Variants in MAP4K4 observed in about 807,000 individuals in gnomAD.
MAP4K4 encodes the protein HPK/GCK-like kinase HGK.
MAP4K4 carries 38 observed loss-of-function variants against 189.6 expected under a neutral mutation model. That is an observed-to-expected ratio of 0.20 (90% CI 0.15 to 0.26). The LOEUF is 0.26. MAP4K4 is among the 10% of genes least tolerant of loss of function. The pLI is 1.00. For missense variants in MAP4K4, 1,054 were observed against 1,726.9 expected (o/e 0.61, Z 6.91); for synonymous variants, 610 against 624.3 (o/e 0.98, Z 0.34).
intron 2 of MAP4K4, among the ~76,000 whole-genome samples, chr2:101,769,505 T>A (rs1275581367): frequency 6.6e-6 from 1 of 152,228 alleles, no homozygotes; most frequent in African/African-American, 2.4e-5. Flanking sequence ...TACAGTTTAT[T>A]TGAAGTGAAT....
At chr2:101,726,615 C>G (rs1029131723) in intron 2 of MAP4K4, among the ~76,000 whole-genome samples, 2 of 152,130 alleles carry the variant, frequency 1.3e-5, no homozygotes, top group African/African-American at 4.8e-5. Context: ...CTTTGTATTT[C>G]ATTATCAAGA....
chr2:101,744,711 C>T lies in MAP4K4; in HGVS notation c.124-46009C>T, dbSNP rs563300426. Among the ~76,000 whole-genome samples, 243 of 152,194 alleles carry T rather than the reference C, an allele frequency of 1.6e-3. 3 individuals carry two copies. The South Asian group carries it at 0.017, about 10-fold the overall frequency. On this transcript the variant is annotated intron_variant, in intron 2 of 32. Transcript: ENST00000324219. ...AGCCTCTTCCCTCGCTTGAAGACAC[C>T]AGGGGTGCAGAAGGCATTTTCTGGC...
chr2:101,884,269 C>G lies in MAP4K4; in HGVS notation c.3521-918C>G, dbSNP rs565063938. Among the ~76,000 whole-genome samples the G allele has an allele frequency of 2.1e-4, 32 of 152,186 alleles. 1 individual carries two copies. The highest frequency in any genetic ancestry group is 1.8e-3 in the Admixed American group (28 of 15,292). On this transcript the variant is annotated intron_variant, in intron 28 of 32. Transcript: ENST00000324219. ...ACCTTAAAATTTAGCTCCTCAATGG[C>G]ACTAGTACATTCTAAGTGTGCAATA... is the stretch of plus-strand genomic sequence containing the variant.
chr2:101,885,528 A>AAT (rs2098467983), intron 29 of MAP4K4, among the ~76,000 whole-genome samples: 1 of 152,244 alleles, frequency 6.6e-6, no homozygotes, highest in Non-Finnish European at 1.5e-5. Flanking sequence ...TCGATGTGGC[A>AAT]ATGTGTTCAC....
intron 32 of MAP4K4, among the ~76,000 whole-genome samples, chr2:101,889,384 CAG>C (rs1187788734): frequency 2.0e-5 from 3 of 152,132 alleles, no homozygotes; most frequent in Non-Finnish European, 2.9e-5. Context: ...GTTTGCATGA[CAG>C]AAATGTTGCA....
intron 2 of MAP4K4, among the ~76,000 whole-genome samples, chr2:101,761,920 C>T (rs1042963281): frequency 2.0e-5 from 3 of 152,146 alleles, no homozygotes; most frequent in Non-Finnish European, 2.9e-5. Context: ...CTACATTCAG[C>T]GCTGGTGCTG....
Position 101,773,776 on chromosome 2 carries a change from A to G in MAP4K4, c.124-16944A>G, listed in dbSNP as rs549013096. ...AGCCTCTGGTAACCATCCTTCTACT[A>G]TATCTCCATGAGTTCAATTGGTTTG... On this transcript the variant is annotated intron_variant, in intron 2 of 32. Transcript: ENST00000324219. 3.6e-4 allele frequency among the ~76,000 whole-genome samples: 55 copies of G among 152,192 alleles called. 1 individual carries two copies. Among genetic ancestry groups the G allele is most frequent in the African/African-American group, 1.2e-3 (49 of 41,526 alleles).
intron 2 of MAP4K4, among the ~76,000 whole-genome samples, chr2:101,779,812 T>G (rs947568461): frequency 6.7e-5 from 10 of 150,246 alleles, no homozygotes; most frequent in Non-Finnish European, 1.5e-4. Context: ...CACCTCTCTT[T>G]TTTTTTTTTT....
rs35922398 is a variant in MAP4K4, at chr2:101,760,503, AATAT to A, written c.124-30200_124-30197del. On this transcript the variant is annotated intron_variant, in intron 2 of 32. Coordinates refer to ENST00000324219, the Ensembl canonical transcript of MAP4K4. Reference sequence around the variant, plus strand: ...ACTCCATCTCAAAAAAAAAAAACAAAATATATATATATATATATATGTATATATG... The same window carrying A: ...ACTCCATCTCAAAAAAAAAAAACAAAATATATATATATATATGTATATATG... Among the ~76,000 whole-genome samples the A allele has an allele frequency of 1.3e-3, 171 of 133,102 alleles. 4 individuals are homozygous for A. Among genetic ancestry groups the A allele is most frequent in the Middle Eastern group, 3.8e-3 (1 of 264 alleles). 87.3% of individuals were successfully genotyped at this position (133,102 alleles called of 152,430 possible).
chr2:101,742,193 C>T (rs1210198939), intron 2 of MAP4K4, among the ~76,000 whole-genome samples: 2 of 152,152 alleles, frequency 1.3e-5, no homozygotes, highest in Admixed American at 6.5e-5. Context: ...ACTCAGGAGG[C>T]AGAGTGCTGT....
intron 3 of MAP4K4, among the ~76,000 whole-genome samples, chr2:101,817,667 C>G (rs1241452879): frequency 6.6e-6 from 1 of 152,150 alleles, no homozygotes; most frequent in African/African-American, 2.4e-5. Flanking sequence ...AGTAAAAGTT[C>G]TATGTTGTGC....
intron 2 of MAP4K4, among the ~76,000 whole-genome samples, chr2:101,774,237 T>C (rs969313194): frequency 1.3e-5 from 2 of 152,362 alleles, no homozygotes; most frequent in Admixed American, 1.3e-4. Flanking sequence ...GCCTGTCTTT[T>C]GGATATGAGC....
intron 2 of MAP4K4, among the ~76,000 whole-genome samples, chr2:101,733,417 C>G (rs1275720584): frequency 6.6e-6 from 1 of 152,184 alleles, no homozygotes; most frequent in Non-Finnish European, 1.5e-5. Context: ...TTCATGAGAT[C>G]ATGCAGCAAG....
intron 2 of MAP4K4, among the ~76,000 whole-genome samples, chr2:101,723,772 G>A (rs2053625350): frequency 6.6e-6 from 1 of 152,204 alleles, no homozygotes; most frequent in Non-Finnish European, 1.5e-5. Context: ...TGATGGAGTT[G>A]AGTAAGCTCT....
At chr2:101,760,864 G>T (rs537742681) in intron 2 of MAP4K4, among the ~76,000 whole-genome samples, 3 of 152,128 alleles carry the variant, frequency 2.0e-5, no homozygotes, top group Admixed American at 2.0e-4. Flanking sequence ...TTAGCTGGGC[G>T]TGGTGGCGCA....
rs533536324 is a variant in MAP4K4, at chr2:101,823,807, G to T, written c.181-121G>T. On this transcript the variant is annotated intron_variant, in intron 3 of 32. Coordinates refer to ENST00000324219, the Ensembl canonical transcript of MAP4K4. ...GCACAAGGATAAAGTGAATGTATAT[G>T]TGCCTCTGCTCCTGGAGGATGGAGA... The T allele has an allele frequency of 3.7e-5, 29 of 774,162 alleles. No homozygotes were observed. The East Asian group carries it at 8.5e-4, about 23-fold the overall frequency. 48.0% of individuals were successfully genotyped at this position (774,162 alleles called of 1,614,324 possible).
chr2:101,710,065 T>G (rs939046962), intron 2 of MAP4K4, among the ~76,000 whole-genome samples: 2 of 152,174 alleles, frequency 1.3e-5, no homozygotes, highest in African/African-American at 2.4e-5. Context: ...TATGTGTAAT[T>G]GGTGTGTAGT....
At chr2:101,816,621 A>T (rs1376081521) in intron 3 of MAP4K4, among the ~76,000 whole-genome samples, 1 of 152,174 alleles carries the variant, frequency 6.6e-6, no homozygotes, top group East Asian at 1.9e-4. Context: ...ACAGTGGATG[A>T]TGAGTGCTCC....
At chr2:101,784,263 C>CGTGT (rs143119918) in intron 2 of MAP4K4, among the ~76,000 whole-genome samples, 102 of 146,748 alleles carry the variant, frequency 7.0e-4, no homozygotes, top group East Asian at 4.4e-3. Context: ...TGATGCTCTT[C>CGTGT]GTGTGTGTGT....
Sources: gnomAD v4.1 joint callset for allele counts (sites outside exome capture counted in the v4.1 genomes callset) on GRCh38, gnomAD v4.1.1 for gene constraint, MANE v1.5 for transcripts, NCBI Gene and HGNC (gene_info 2026-07-23, HGNC 2026-07-21) for gene names.